The following KDM4C variants were observed in gnomAD, a reference collection of about 807,000 sequenced individuals.
KDM4C encodes the protein lysine-specific demethylase 4C.
KDM4C carries 81 observed loss-of-function variants against 129.3 expected under a neutral mutation model. That is an observed-to-expected ratio of 0.63 (90% CI 0.52 to 0.75). KDM4C has a LOEUF of 0.75. Among genes scored for constraint, KDM4C ranks in the 30% least tolerant of loss-of-function variants. KDM4C has a pLI of 0.00. For missense variants in KDM4C, 1,457 were observed against 1,304.0 expected (o/e 1.12, Z -1.81); for synonymous variants, 573 against 456.1 (o/e 1.26, Z -3.26).
At chr9:7,115,150 A>C (rs1048030411) in intron 18 of KDM4C, among the ~76,000 whole-genome samples, 4 of 152,112 alleles carry the variant, frequency 2.6e-5, no homozygotes, top group Non-Finnish European at 4.4e-5. Flanking sequence ...TGACAACTTC[A>C]AGGGCCAACT....
chr9:6,752,332 CAAA>C (rs1159747148), intron 1 of KDM4C, among the ~76,000 whole-genome samples: 57 of 19,242 alleles, frequency 3.0e-3, no homozygotes, highest in African/African-American at 8.3e-3. Context: ...AACTCCGTCT[CAAA>C]AAAAAAAAAA....
In KDM4C at chr9:6,927,089, TTCTATCTATCTATCTA is replaced by T. The variant is rs34242647; in HGVS notation, c.921+33893_921+33908del. Among the ~76,000 whole-genome samples, 185 of 145,198 alleles carry T rather than the reference TTCTATCTATCTATCTA, an allele frequency of 1.3e-3. 2 individuals carry two copies. Among genetic ancestry groups the T allele is most frequent in the East Asian group, 7.0e-3 (35 of 4,974 alleles). ...AGATTCTATCCTTTCAAAAAAAATTTTCTATCTATCTATCTATCTATCTATCTATCTATCTATCTAT... is the reference window on the plus strand; with the variant it reads ...AGATTCTATCCTTTCAAAAAAAATTTTCTATCTATCTATCTATCTATCTAT... On this transcript the variant is annotated intron_variant, in intron 8 of 21. Coordinates refer to ENST00000381309, the MANE Select transcript of KDM4C (RefSeq NM_015061.6).
intron 15 of KDM4C, among the ~76,000 whole-genome samples, chr9:7,046,085 C>T (rs1192687852): frequency 1.3e-5 from 2 of 152,008 alleles, no homozygotes; most frequent in Admixed American, 1.3e-4. Flanking sequence ...CAAGAGAAGG[C>T]AGTGCACTGC....
chr9:6,917,039 T>C (rs1820431951), intron 8 of KDM4C, among the ~76,000 whole-genome samples: 1 of 152,110 alleles, frequency 6.6e-6, no homozygotes, highest in Non-Finnish European at 1.5e-5. Flanking sequence ...GTTTTTTTTG[T>C]TGTTGTTGTT....
At chr9:6,919,581 A>ATCTATCTG (rs1034274917) in intron 8 of KDM4C, among the ~76,000 whole-genome samples, 1 of 147,200 alleles carries the variant, frequency 6.8e-6, no homozygotes, top group Non-Finnish European at 1.5e-5. Flanking sequence ...CTATCTATCT[A>ATCTATCTG]TCTATCTATC....
intron 5 of KDM4C, among the ~76,000 whole-genome samples, chr9:6,870,532 C>G (rs1372141825): frequency 1.3e-5 from 2 of 151,898 alleles, no homozygotes; most frequent in African/African-American, 2.4e-5. Flanking sequence ...AGCATAAGCT[C>G]TGGTGTGTTA....
rs1336541324 is a variant in KDM4C, at chr9:6,758,722, T to TTC, written c.-18+520_-18+521insCT. On this transcript the variant is annotated intron_variant, in intron 1 of 21. Coordinates refer to ENST00000381309, the MANE Select transcript of KDM4C (RefSeq NM_015061.6). The surrounding 1 kb of genome is among the most constrained non-coding windows in gnomAD (Gnocchi z 4.6). ...GTCTTCAGCCCTCGCGGCTGTCCTT[T>TTC]TGGTGTTTCTTTCCCCCGGCATGGG... Among the ~76,000 whole-genome samples the TTC allele has an allele frequency of 4.6e-5, 7 of 152,298 alleles. No homozygotes were observed. The South Asian group carries it at 1.2e-3, about 27-fold the overall frequency.
intron 20 of KDM4C, 81 bp from the exon 21 acceptor site, chr9:7,169,717 T>C: frequency 9.1e-7 from 1 of 1,104,244 alleles, no homozygotes; most frequent in Non-Finnish European, 1.3e-6. Flanking sequence ...CTTTTCATCT[T>C]TTCATGTAGT....
intron 1 of KDM4C, among the ~76,000 whole-genome samples, chr9:6,742,998 G>A (rs960214065): frequency 4.6e-5 from 7 of 152,050 alleles, no homozygotes; most frequent in East Asian, 1.9e-4. Flanking sequence ...GTGACAGGGC[G>A]AGGCTCAGTT....
chr9:7,120,638 A>G (rs1398292456), intron 18 of KDM4C, among the ~76,000 whole-genome samples: 1 of 152,232 alleles, frequency 6.6e-6, no homozygotes, highest in Non-Finnish European at 1.5e-5. Flanking sequence ...GGTGATTATT[A>G]AAAACAGTAA....
chr9:7,129,489 G>A (rs1368195181), intron 19 of KDM4C, among the ~76,000 whole-genome samples: 4 of 152,180 alleles, frequency 2.6e-5, no homozygotes, highest in East Asian at 1.9e-4. Context: ...TTCATAAACA[G>A]CATCCCTTAG....
At chr9:7,161,338 C>T (rs186781564) in intron 19 of KDM4C, among the ~76,000 whole-genome samples, 5 of 152,192 alleles carry the variant, frequency 3.3e-5, no homozygotes, top group Non-Finnish European at 7.4e-5. Context: ...GGGCTGCACC[C>T]ACTGTCCAAC....
At chr9:7,060,561 A>G (rs1424205683) in intron 17 of KDM4C, among the ~76,000 whole-genome samples, 1 of 151,446 alleles carries the variant, frequency 6.6e-6, no homozygotes, top group Non-Finnish European at 1.5e-5. Context: ...GGTTCACTGC[A>G]ACCTCCGCGT....
chr9:7,155,545 C>A (rs1031565771), intron 19 of KDM4C, among the ~76,000 whole-genome samples: 2 of 152,018 alleles, frequency 1.3e-5, no homozygotes, highest in Non-Finnish European at 2.9e-5. Flanking sequence ...GTGTGATGTT[C>A]CCTGCCCTGT....
At chr9:7,087,528 G>C (rs1251406431) in intron 17 of KDM4C, among the ~76,000 whole-genome samples, 1 of 151,900 alleles carries the variant, frequency 6.6e-6, no homozygotes, top group East Asian at 1.9e-4. Context: ...TCTTGTCATA[G>C]GAAATTTTTT....
intron 19 of KDM4C, among the ~76,000 whole-genome samples, chr9:7,160,826 A>C (rs2130341715): frequency 6.6e-6 from 1 of 152,238 alleles, no homozygotes; most frequent in Middle Eastern, 3.4e-3. Context: ...TTCCTCAGAG[A>C]TTAAATGCCT....
chr9:6,825,874 A>C (rs1833788231), intron 4 of KDM4C, among the ~76,000 whole-genome samples: 1 of 152,178 alleles, frequency 6.6e-6, no homozygotes, highest in Admixed American at 6.5e-5. Context: ...GCAGTGTCAC[A>C]ATCACAGCTC....
intron 17 of KDM4C, among the ~76,000 whole-genome samples, chr9:7,075,743 AG>A (rs1006646765): frequency 6.6e-6 from 1 of 152,170 alleles, no homozygotes; most frequent in African/African-American, 2.4e-5. Flanking sequence ...CTTATCAGGA[AG>A]GACAAGCTGG....
At chr9:7,052,023 C>T (rs868636874) in intron 17 of KDM4C, among the ~76,000 whole-genome samples, 7 of 152,010 alleles carry the variant, frequency 4.6e-5, no homozygotes, top group South Asian at 2.1e-4. Context: ...GGGTCTACAG[C>T]GAAGATATAG....
Sources: gnomAD v4.1 joint callset for allele counts (sites outside exome capture counted in the v4.1 genomes callset) on GRCh38, gnomAD v4.1.1 for gene constraint, Gnocchi (gnomAD v3.1) non-coding constraint, MANE v1.5 for transcripts, NCBI Gene and HGNC (gene_info 2026-07-23, HGNC 2026-07-21) for gene names.